Variants in MGAT4C observed in about 807,000 individuals in gnomAD.
MGAT4C encodes MGAT4 family member C, also known as alpha-1,3-mannosyl-glycoprotein 4-beta-N-acetylglucosaminyltransferase C.
In MGAT4C, 19 loss-of-function variants were observed where a neutral mutation model predicts 40.1. The observed-to-expected ratio is 0.47, with a 90% confidence interval of 0.33 to 0.70. MGAT4C has a LOEUF of 0.70. MGAT4C is among the 30% of genes least tolerant of loss of function. The pLI is 0.02. For missense variants in MGAT4C, 491 were observed against 563.2 expected, an observed-to-expected ratio of 0.87 and a Z score of 1.30; for synonymous variants, 181 against 187.1, an observed-to-expected ratio of 0.97 and a Z score of 0.27.
intron 1 of MGAT4C, among the ~76,000 whole-genome samples, chr12:86,824,583 C>CA (rs747435083): frequency 6.7e-6 from 1 of 150,204 alleles, no homozygotes; most frequent in Admixed American, 6.7e-5. Flanking sequence ...TACTGTAATC[C>CA]AAAAAAAGAC....
rs573368039 is a variant in MGAT4C, at chr12:86,045,045, G to A, written c.-7+4629C>T. On this transcript the variant is annotated intron_variant, in intron 2 of 4. Transcript: ENST00000611864. ...TGTGGTGCATGGTAGTCCCGTTCAG[G>A]GTTCCCAGCCTCCTCCTCCTTTGGC... Among the ~76,000 whole-genome samples the A allele has an allele frequency of 2.0e-3, 308 of 152,010 alleles. 1 individual carries two copies. Among genetic ancestry groups the A allele is most frequent in the African/African-American group, 7.1e-3 (295 of 41,460 alleles).
chr12:86,714,482 G>A (rs1950610836), intron 2 of MGAT4C, among the ~76,000 whole-genome samples: 1 of 152,042 alleles, frequency 6.6e-6, no homozygotes, highest in Non-Finnish European at 1.5e-5. Flanking sequence ...ATTGAATCAT[G>A]AGGGTGGTTT....
rs768547952 is a variant in MGAT4C, at chr12:85,979,877, C to T, written c.849G>A (p.Met283Ile). ...AATGAGTCAATAGCCAATCACAAGG[C>T]ATTTCTTGATAAAACATTAATAAAA... ...AHFLLMFYQE[M>I]PCDWLLTHFR... The change falls in exon 5 of 5, where the codon ATG becomes ATA. Residue 283 changes from methionine to isoleucine, a missense_variant. Transcript: ENST00000611864. 3.1e-6 allele frequency: 5 copies of T among 1,613,628 alleles called. No homozygotes were observed. In the Admixed American group the frequency reaches 8.3e-5, roughly 27 times the overall value.
chr12:86,532,881 A>G (rs1426711681), intron 2 of MGAT4C, among the ~76,000 whole-genome samples: 1 of 152,054 alleles, frequency 6.6e-6, no homozygotes, highest in Non-Finnish European at 1.5e-5. Context: ...CCTCTCAGTT[A>G]TACCAAGCTG....
chr12:86,449,790 C>T (rs1312187018), intron 2 of MGAT4C, among the ~76,000 whole-genome samples: 1 of 152,144 alleles, frequency 6.6e-6, no homozygotes, highest in Non-Finnish European at 1.5e-5. Flanking sequence ...ATTGCATGAC[C>T]ACCACTAATG....
At chr12:86,666,578 TGTGA>T (rs755754393) in intron 2 of MGAT4C, among the ~76,000 whole-genome samples, 14 of 152,206 alleles carry the variant, frequency 9.2e-5, no homozygotes, top group Admixed American at 2.0e-4. Flanking sequence ...TCTGCTCTGA[TGTGA>T]GTCACAAAAA....
intron 2 of MGAT4C, among the ~76,000 whole-genome samples, chr12:86,536,731 AAAT>A (rs1959075848): frequency 6.6e-6 from 1 of 152,204 alleles, no homozygotes; most frequent in African/African-American, 2.4e-5. Context: ...AATTTGTAGA[AAAT>A]ATACCACCCA....
chr12:86,307,734 G>A (rs900039329), intron 4 of MGAT4C, among the ~76,000 whole-genome samples: 5 of 150,034 alleles, frequency 3.3e-5, no homozygotes, highest in Non-Finnish European at 7.4e-5. Flanking sequence ...ACGTTGTCTA[G>A]CTCTGTCGCC....
chr12:86,350,483 G>GT (rs1329834417), intron 3 of MGAT4C, among the ~76,000 whole-genome samples: 3 of 152,110 alleles, frequency 2.0e-5, no homozygotes, highest in Non-Finnish European at 4.4e-5. Flanking sequence ...CAGAGCAAGC[G>GT]TAAGCCTAGT....
intron 1 of MGAT4C, among the ~76,000 whole-genome samples, chr12:86,136,134 T>C (rs1217795800): frequency 6.6e-6 from 1 of 152,124 alleles, no homozygotes; most frequent in Non-Finnish European, 1.5e-5. Flanking sequence ...AATAAATATA[T>C]CCATAAAATA....
chr12:86,709,845 T>A (rs1489343183), intron 2 of MGAT4C, among the ~76,000 whole-genome samples: 2 of 152,216 alleles, frequency 1.3e-5, no homozygotes, highest in African/African-American at 4.8e-5. Context: ...AGGGAAAAAA[T>A]TTACAAATTG....
At chr12:86,147,881 G>A (rs538254304) in intron 1 of MGAT4C, among the ~76,000 whole-genome samples, 1 of 152,216 alleles carries the variant, frequency 6.6e-6, no homozygotes, top group South Asian at 2.1e-4. Context: ...CAGCATAGAA[G>A]CACATACAGA....
intron 2 of MGAT4C, among the ~76,000 whole-genome samples, chr12:86,486,542 T>C (rs935379550): frequency 3.3e-5 from 5 of 152,110 alleles, no homozygotes; most frequent in Non-Finnish European, 7.4e-5. Flanking sequence ...CCTAAATATA[T>C]ATGCACCCAG....
intron 1 of MGAT4C, among the ~76,000 whole-genome samples, chr12:86,242,796 T>TAC: frequency 6.6e-6 from 1 of 151,986 alleles, no homozygotes. Flanking sequence ...CACATATATA[T>TAC]ACACACACAT....
intron 1 of MGAT4C, among the ~76,000 whole-genome samples, chr12:86,787,190 A>G (rs1295949906): frequency 6.6e-6 from 1 of 152,050 alleles, no homozygotes; most frequent in Non-Finnish European, 1.5e-5. Flanking sequence ...TTCACTCTCT[A>G]TGTTCGTGTG....
At chr12:86,012,778 AACCACCACCACCACCACCACC>A (rs1183997849) in intron 2 of MGAT4C, among the ~76,000 whole-genome samples, 6 of 136,446 alleles carry the variant, frequency 4.4e-5, no homozygotes, top group East Asian at 4.9e-4. Context: ...CAACAACAAC[AACCACCACCACCACCACCACC>A]ACCACCACCA....
At chr12:86,371,664 G>T (rs76941592) in intron 3 of MGAT4C, among the ~76,000 whole-genome samples, 1 of 151,994 alleles carries the variant, frequency 6.6e-6, no homozygotes, top group South Asian at 2.1e-4. Flanking sequence ...TTTTCTCTTT[G>T]AATGAAATTA....
At chr12:86,315,413 T>C (rs1298938584) in intron 4 of MGAT4C, among the ~76,000 whole-genome samples, 1 of 152,004 alleles carries the variant, frequency 6.6e-6, no homozygotes, top group East Asian at 1.9e-4. Context: ...ATCAGAATCC[T>C]AGAAGAAGGC....
At position 86,659,921 on chromosome 12, in the gene MGAT4C, A is replaced by G. The variant is rs530883072; in HGVS notation, c.-229+67288T>C. Among the ~76,000 whole-genome samples, 25 of 151,804 alleles carry G rather than the reference A, an allele frequency of 1.6e-4. 1 individual carries two copies. The South Asian group carries it at 4.6e-3, about 28-fold the overall frequency. On this transcript the variant is annotated intron_variant, in intron 2 of 7. Coordinates refer to the MGAT4C transcript ENST00000548651. ...GCTGGTCTCTATAAACTGCAAGAGC[A>G]GGGTGATTAAAAAAAAAAAAAAGCT...
Sources: gnomAD v4.1 joint callset for allele counts (sites outside exome capture counted in the v4.1 genomes callset) on GRCh38, gnomAD v4.1.1 for gene constraint, MANE v1.5 for transcripts, NCBI Gene and HGNC (gene_info 2026-07-23, HGNC 2026-07-21) for gene names.